Variants in NFAT5 observed in about 807,000 individuals in gnomAD.
NFAT5 encodes the protein nuclear factor of activated T-cells 5.
Under a neutral mutation model 166.5 loss-of-function variants are expected in NFAT5, and 31 were observed. That is an observed-to-expected ratio of 0.19 (90% CI 0.14 to 0.25). The LOEUF is 0.25. Ranked by LOEUF, NFAT5 falls within the 10% of genes least tolerant of loss-of-function variation. The pLI, the probability that NFAT5 is intolerant of heterozygous loss-of-function variation, is 1.00. For missense variants in NFAT5, 1,449 were observed against 1,821.8 expected (o/e 0.80, Z 3.72); for synonymous variants, 612 against 639.7 (o/e 0.96, Z 0.65).
intron 2 of NFAT5, among the ~76,000 whole-genome samples, chr16:69,582,350 A>G (rs2031755446): frequency 6.6e-6 from 1 of 152,048 alleles, no homozygotes; most frequent in Non-Finnish European, 1.5e-5. Flanking sequence ...CATTTGATGC[A>G]CAAATATTTT....
chr16:69,580,285 T>G (rs2031584814), intron 2 of NFAT5, among the ~76,000 whole-genome samples: 1 of 152,116 alleles, frequency 6.6e-6, no homozygotes, highest in Non-Finnish European at 1.5e-5. Flanking sequence ...CCCAGCACTT[T>G]GGGAGGCCAA....
chr16:69,571,146 A>T (rs2016410144), intron 2 of NFAT5, among the ~76,000 whole-genome samples: 1 of 148,318 alleles, frequency 6.7e-6, no homozygotes, highest in African/African-American at 2.5e-5. Flanking sequence ...AAAAAAAAAA[A>T]AAAAAAAAAA....
At chr16:69,624,494 C>T (rs769211971) in intron 2 of NFAT5, among the ~76,000 whole-genome samples, 3 of 152,154 alleles carry the variant, frequency 2.0e-5, no homozygotes, top group Non-Finnish European at 4.4e-5. Context: ...TGTGAGCCAC[C>T]GCGCCTGGCC....
intron 14 of NFAT5, chr16:69,695,688 C>CAA (rs35634481): frequency 0.045 from 5,342 of 118,808 alleles, 121 homozygotes; most frequent in Non-Finnish European, 0.063. Flanking sequence ...CTAAAAAATA[C>CAA]AAAAAAAAAA....
chr16:69,613,460 A>C (rs2033796893), intron 2 of NFAT5, among the ~76,000 whole-genome samples: 2 of 152,176 alleles, frequency 1.3e-5, no homozygotes, highest in African/African-American at 4.8e-5. Flanking sequence ...GCCCTGTCAT[A>C]ATCTGGCCTC....
At chr16:69,585,948 A>G (rs774841441) in intron 2 of NFAT5, among the ~76,000 whole-genome samples, 2 of 152,230 alleles carry the variant, frequency 1.3e-5, no homozygotes, top group Admixed American at 6.5e-5. Context: ...ATGGTTGCAC[A>G]ATGTCGTGCA....
chr16:69,680,711 C>G (rs543761255), intron 10 of NFAT5, among the ~76,000 whole-genome samples: 1 of 152,204 alleles, frequency 6.6e-6, no homozygotes, highest in Admixed American at 6.5e-5. Context: ...CTCTATGATA[C>G]AGCTAATTAG....
intron 2 of NFAT5, among the ~76,000 whole-genome samples, chr16:69,621,958 G>A (rs1278678470): frequency 7.1e-6 from 1 of 140,028 alleles, no homozygotes; most frequent in Non-Finnish European, 1.5e-5. Flanking sequence ...GTGAGACCCT[G>A]ACTCAAATAA....
At chr16:69,623,110 A>G (rs151151772) in intron 2 of NFAT5, among the ~76,000 whole-genome samples, 2,687 of 152,156 alleles carry the variant, frequency 0.018, 84 homozygotes, top group African/African-American at 0.057. Context: ...GCACCATTGC[A>G]CTCCAGCCTG....
At chr16:69,612,218 G>A (rs2033734410) in intron 2 of NFAT5, among the ~76,000 whole-genome samples, 1 of 152,120 alleles carries the variant, frequency 6.6e-6, no homozygotes, top group African/African-American at 2.4e-5. Context: ...CTTGTAAGTA[G>A]CGTACTGCCG....
At chr16:69,655,229 T>G (rs2035829829) in intron 5 of NFAT5, among the ~76,000 whole-genome samples, 1 of 152,156 alleles carries the variant, frequency 6.6e-6, no homozygotes, top group Admixed American at 6.5e-5. Flanking sequence ...TCTCATTTGA[T>G]GATGATGATG....
chr16:69,682,651 C>T (rs1008261103), intron 10 of NFAT5, among the ~76,000 whole-genome samples: 1 of 151,998 alleles, frequency 6.6e-6, no homozygotes, highest in Admixed American at 6.6e-5. Context: ...AAAAATAACT[C>T]ATAACATGAT....
intron 2 of NFAT5, among the ~76,000 whole-genome samples, chr16:69,598,095 T>C (rs998042913): frequency 6.6e-6 from 1 of 152,072 alleles, no homozygotes; most frequent in Non-Finnish European, 1.5e-5. Context: ...TACTGAATAT[T>C]AAAATATTTG....
chr16:69,685,488 A>G (rs1297405870), intron 11 of NFAT5: 1 of 151,676 alleles, frequency 6.6e-6, no homozygotes, highest in East Asian at 1.9e-4. Context: ...CAGGGGTTGC[A>G]GTGAGCCAAG....
intron 4 of NFAT5, chr16:69,649,682 A>G (rs2035587734): frequency 2.2e-6 from 1 of 452,716 alleles, no homozygotes; most frequent in South Asian, 9.3e-5. Context: ...ATATAGAAAA[A>G]TCGGCCTTAA....
In NFAT5 at chr16:69,701,717, T is replaced by C. The variant is rs2037901619; in HGVS notation, c.*5366T>C. 1 of 152,202 alleles carries C rather than the reference T, an allele frequency of 6.6e-6. No homozygotes were observed. The highest frequency in any genetic ancestry group is 2.4e-5 in the African/African-American group (1 of 41,444). The allele number at this position is 152,202 out of a possible 1,614,324, so 9.4% of individuals were successfully genotyped here. A position where few individuals can be genotyped will look rare whatever the true frequency, so the allele number is the denominator to read the frequency against. On this transcript the variant is annotated 3_prime_UTR_variant, in exon 15 of 15. Transcript: ENST00000349945. ...GTGTGTAAATTTCAGGAAGAAAGTG[T>C]TGAAAGCATTTTCTCTGATGTTAAT...
At chr16:69,602,547 A>G (rs1245524221) in intron 2 of NFAT5, among the ~76,000 whole-genome samples, 4 of 150,268 alleles carry the variant, frequency 2.7e-5, no homozygotes. Context: ...GATTACAGGT[A>G]TGAGCCACCG....
At chr16:69,661,569 G>GAAAAAAAAAAAAAAAA (rs1187473064) in intron 7 of NFAT5, among the ~76,000 whole-genome samples, 30 of 92,036 alleles carry the variant, frequency 3.3e-4, no homozygotes, top group East Asian at 9.1e-4. Flanking sequence ...AAAAAAAAAG[G>GAAAAAAAAAAAAAAAA]AAATTGTTCA....
At chr16:69,619,060 A>G (rs1324055733) in intron 2 of NFAT5, among the ~76,000 whole-genome samples, 1 of 152,200 alleles carries the variant, frequency 6.6e-6, no homozygotes, top group South Asian at 2.1e-4. Context: ...TATTAGTTGT[A>G]CAACTTTATT....
Sources: gnomAD v4.1 joint callset for allele counts (sites outside exome capture counted in the v4.1 genomes callset) on GRCh38, gnomAD v4.1.1 for gene constraint, MANE v1.5 for transcripts, NCBI Gene and HGNC (gene_info 2026-07-23, HGNC 2026-07-21) for gene names.